FAIM: variants seen among roughly 807,000 people sequenced by gnomAD.
FAIM encodes the protein Fas apoptotic inhibitory molecule.
In FAIM, 14 loss-of-function variants were observed where a neutral mutation model predicts 21.2. The observed-to-expected ratio is 0.66, with a 90% CI of 0.44 to 1.03. The LOEUF (loss-of-function observed/expected upper bound fraction) is 1.03. FAIM is among the 50% of genes least tolerant of loss of function. The pLI, the probability that FAIM is intolerant of heterozygous loss-of-function variation, is 0.00. For synonymous variants in FAIM, 86 were observed against 80.4 expected, an observed-to-expected ratio of 1.07 and a Z score of -0.37; for missense variants, 222 against 247.1, an observed-to-expected ratio of 0.90 and a Z score of 0.68.
chr3:138,610,744 C>T (rs765163055), intron 1 of FAIM: 13 of 447,690 alleles, frequency 2.9e-5, no homozygotes, highest in African/African-American at 1.6e-4. Context: ...CTACCATGCC[C>T]GGCAAATTTT....
chr3:138,611,828 G>A (rs2042772361), intron 1 of FAIM, among the ~76,000 whole-genome samples: 1 of 152,204 alleles, frequency 6.6e-6, no homozygotes, highest in Admixed American at 6.5e-5. Context: ...TCTGCCATGA[G>A]TAGAAGCAAC....
At chr3:138,623,289 A>G (rs1307069625) in intron 4 of FAIM, among the ~76,000 whole-genome samples, 1 of 152,004 alleles carries the variant, frequency 6.6e-6, no homozygotes, top group Non-Finnish European at 1.5e-5. Context: ...AAGCAGATAT[A>G]TATCTTTTCT....
chr3:138,627,182 C>CT (rs1188996564), intron 4 of FAIM, among the ~76,000 whole-genome samples: 1,639 of 141,664 alleles, frequency 0.012, 15 homozygotes, highest in East Asian at 0.038. Flanking sequence ...GGCTTTTTTA[C>CT]TTTTTTTTTT....
rs377710157 is a variant in FAIM at position 138,630,471 on chromosome 3, A to G, written c.456+1315A>G. 4.6e-5 allele frequency: 7 copies of G among 152,288 alleles called. No individual in the cohort carries two copies. The East Asian group carries it at 5.8e-4, about 13-fold the overall frequency. 9.4% of individuals were successfully genotyped at this position (152,288 alleles called of 1,614,324 possible). ...CATCTCTAAAAAAATTAATCAATCA[A>G]TTGAAATTTAAAAGTTACGAAGATG... On this transcript the variant is annotated intron_variant, in intron 5 of 5. Coordinates refer to ENST00000360570, the MANE Select transcript of FAIM (RefSeq NM_001033031.2).
rs558183252 is a variant in FAIM, at chr3:138,633,369, T to TA, written c.*297dup. 382 of 187,218 alleles carry TA rather than the reference T, an allele frequency of 2.0e-3. 3 individuals are homozygous for TA. Among genetic ancestry groups the TA allele is most frequent in the Non-Finnish European group, 1.8e-3 (168 of 90,898 alleles). 11.6% of individuals were successfully genotyped at this position (187,218 alleles called of 1,614,324 possible). On this transcript the variant is annotated 3_prime_UTR_variant, in exon 6 of 6. Transcript: ENST00000360570. ...TAACCTTTACTATAATAAATACTTT[T>TA]AAAAAAATCTGCTTGATTTGTGTTT... is the stretch of plus-strand genomic sequence containing the variant.
Position 138,633,200 on chromosome 3 carries a change from A to G in FAIM, c.*121A>G, listed in dbSNP as rs1046776523. ...ATGTTTTAATTTTTTAAAAAGTTAC[A>G]TGAAACTAACATTCCAAGGGTCAGG... is the stretch of plus-strand genomic sequence containing the variant. On this transcript the variant is annotated 3_prime_UTR_variant, in exon 6 of 6. Coordinates refer to ENST00000360570, the MANE Select transcript of FAIM (RefSeq NM_001033031.2). 70 of 865,716 alleles carry G rather than the reference A, an allele frequency of 8.1e-5. 1 individual carries two copies. Among genetic ancestry groups the G allele is most frequent in the Non-Finnish European group, 1.1e-5 (7 of 617,922 alleles). 53.6% of individuals were successfully genotyped at this position (865,716 alleles called of 1,614,324 possible).
At chr3:138,613,434 C>T (rs1367793546) in intron 1 of FAIM, among the ~76,000 whole-genome samples, 1 of 152,160 alleles carries the variant, frequency 6.6e-6, no homozygotes, top group Non-Finnish European at 1.5e-5. Flanking sequence ...TTTCTCTCAT[C>T]CTTGTCCTTT....
intron 1 of FAIM, among the ~76,000 whole-genome samples, chr3:138,612,712 A>C (rs1052971529): frequency 7.9e-5 from 12 of 152,196 alleles, no homozygotes; most frequent in African/African-American, 2.9e-4. Flanking sequence ...CAGAATTGCT[A>C]GGTCATATAG....
At chr3:138,619,644 T>C in intron 1 of FAIM, 67 bp from the exon 2 acceptor site, 1 of 1,429,962 alleles carries the variant, frequency 7.0e-7, no homozygotes, top group Non-Finnish European at 9.8e-7. Context: ...ATGTCATCAT[T>C]GTTGCTTTCA....
At chr3:138,619,638 C>T in intron 1 of FAIM, 73 bp from the exon 2 acceptor site, 2 of 1,364,664 alleles carry the variant, frequency 1.5e-6, no homozygotes, top group Non-Finnish European at 1.0e-6. Context: ...TTGTAGATGT[C>T]ATCATTGTTG....
intron 1 of FAIM, among the ~76,000 whole-genome samples, chr3:138,615,767 T>C (rs1227110458): frequency 3.3e-5 from 5 of 152,172 alleles, no homozygotes; most frequent in Non-Finnish European, 5.9e-5. Flanking sequence ...TTAAGAGTGT[T>C]TTCTATGTGT....
intron 1 of FAIM, among the ~76,000 whole-genome samples, chr3:138,611,721 C>G (rs2042771282): frequency 6.6e-6 from 1 of 152,156 alleles, no homozygotes; most frequent in Non-Finnish European, 1.5e-5. Flanking sequence ...TCAGTTCTCA[C>G]TAGAGCTGTT....
intron 5 of FAIM, among the ~76,000 whole-genome samples, chr3:138,632,025 C>G (rs1024542405): frequency 1.3e-5 from 2 of 151,956 alleles, no homozygotes; most frequent in African/African-American, 4.8e-5. Flanking sequence ...TTTTTGGTTT[C>G]TTTGCTTTCT....
intron 1 of FAIM, among the ~76,000 whole-genome samples, chr3:138,617,788 AAT>A (rs2042843099): frequency 6.9e-6 from 1 of 144,998 alleles, no homozygotes; most frequent in African/African-American, 2.5e-5. Context: ...TATAATATAT[AAT>A]ATATATTATT....
intron 4 of FAIM, among the ~76,000 whole-genome samples, chr3:138,628,826 G>A (rs1560500173): frequency 6.6e-6 from 1 of 152,112 alleles, no homozygotes; most frequent in Non-Finnish European, 1.5e-5. Context: ...GATTCATTTT[G>A]TTTCATAAGG....
intron 1 of FAIM, among the ~76,000 whole-genome samples, chr3:138,614,809 T>C (rs1037107675): frequency 5.9e-5 from 9 of 151,630 alleles, no homozygotes; most frequent in Non-Finnish European, 1.2e-4. Context: ...GGTGTGGTGG[T>C]GTGTACCTGT....
intron 5 of FAIM, 119 bp downstream of exon 5, chr3:138,629,275 A>G (rs2042976952): frequency 5.1e-6 from 4 of 790,072 alleles, no homozygotes; most frequent in Non-Finnish European, 8.1e-6. Context: ...TAAAAACAAA[A>G]AAGGGATTAA....
At chr3:138,625,552 C>T (rs1207924248) in intron 4 of FAIM, among the ~76,000 whole-genome samples, 1 of 151,950 alleles carries the variant, frequency 6.6e-6, no homozygotes, top group Non-Finnish European at 1.5e-5. Flanking sequence ...TCTAGAGTCT[C>T]CTGGTAAAAT....
At chr3:138,628,097 A>G (rs892232548) in intron 4 of FAIM, among the ~76,000 whole-genome samples, 7 of 152,198 alleles carry the variant, frequency 4.6e-5, no homozygotes, top group African/African-American at 1.7e-4. Flanking sequence ...CCACCCTGAG[A>G]TGAGCTATGG....
Sources: gnomAD v4.1 joint callset for allele counts (sites outside exome capture counted in the v4.1 genomes callset) on GRCh38, gnomAD v4.1.1 for gene constraint, MANE v1.5 for transcripts, NCBI Gene and HGNC (gene_info 2026-07-23, HGNC 2026-07-21) for gene names.